The following BST1 variants were observed in gnomAD, a reference collection of about 807,000 sequenced individuals.
BST1 encodes the protein bone marrow stromal cell antigen 1.
BST1 carries 49 observed loss-of-function variants against 40.6 expected under a neutral mutation model. That is an observed-to-expected ratio of 1.21 (90% CI 0.96 to 1.53). The LOEUF is 1.53. Ranked by LOEUF, BST1 falls within the 40% of genes most tolerant of loss-of-function variation. The probability of loss-of-function intolerance (pLI) is 0.00; values close to 1 mark genes in which losing one functional copy is unlikely to be tolerated. For missense variants in BST1, 423 were observed against 395.9 expected (o/e 1.07, Z -0.58); for synonymous variants, 157 against 159.3 (o/e 0.99, Z 0.11).
At chr4:15,772,007 G>GTCTC in the BST1 span, among the ~76,000 whole-genome samples, 475 of 148,848 alleles carry the variant, frequency 3.2e-3, 2 homozygotes, top group African/African-American at 6.6e-3. Flanking sequence ...AACAATGAAG[G>GTCTC]TCTCTCTCTC....
At chr4:15,749,844 A>AC in the BST1 span, among the ~76,000 whole-genome samples, 1 of 151,978 alleles carries the variant, frequency 6.6e-6, no homozygotes, top group Middle Eastern at 3.4e-3. Flanking sequence ...ATCCAGTTAT[A>AC]CTTTGTAAAT....
chr4:15,768,621 G>A, the BST1 span, among the ~76,000 whole-genome samples: 2 of 151,562 alleles, frequency 1.3e-5, no homozygotes, highest in East Asian at 1.9e-4. Context: ...AGCCTCCCGA[G>A]TAGCTGGGAC....
chr4:15,736,902 TTG>T (rs1313791255), downstream of BST1, among the ~76,000 whole-genome samples: 3 of 152,156 alleles, frequency 2.0e-5, no homozygotes, highest in South Asian at 2.1e-4. Flanking sequence ...TAGTCAGCAT[TTG>T]ATCAGATTGG....
chr4:15,744,039 C>G, the BST1 span, among the ~76,000 whole-genome samples: 4 of 152,186 alleles, frequency 2.6e-5, no homozygotes. Flanking sequence ...ATCTTGTCCT[C>G]TTATCTTTTC....
At chr4:15,722,825 T>G (rs554753079) in intron 7 of BST1, 50 bp from the exon 8 acceptor site, 94 of 1,536,152 alleles carry the variant, frequency 6.1e-5, no homozygotes, top group Non-Finnish European at 8.2e-5. Context: ...AAATGGTTGA[T>G]GGATGAAAGT....
At position 15,710,499 on chromosome 4, in the gene BST1, G is replaced by A. The variant is rs548837345; in HGVS notation, c.452-1308G>A. 1.6e-4 allele frequency among the ~76,000 whole-genome samples: 24 copies of A among 151,970 alleles called. No individual in the cohort carries two copies. In the South Asian group the frequency reaches 4.8e-3, roughly 30 times the overall value. On this transcript the variant is annotated intron_variant, in intron 3 of 8. Coordinates refer to ENST00000265016, the MANE Select transcript of BST1 (RefSeq NM_004334.3). ...ATACAATACACTATTGTTAGCTATG[G>A]CCACTCTATTGTGCATTACAGCCCC... is the stretch of plus-strand genomic sequence containing the variant.
chr4:15,759,667 C>T, the BST1 span, among the ~76,000 whole-genome samples: 6 of 151,432 alleles, frequency 4.0e-5, no homozygotes, highest in Admixed American at 6.6e-5. Flanking sequence ...TATGACTATT[C>T]TGCCAATGGA....
rs1720654968 is a variant in BST1 at position 15,718,890 on chromosome 4, A to ATT, written c.705-16_705-15insTT. 4 of 1,607,016 alleles carry ATT rather than the reference A, an allele frequency of 2.5e-6. No homozygotes were observed. Among genetic ancestry groups the ATT allele is most frequent in the Non-Finnish European group, 3.4e-6 (4 of 1,175,996 alleles). Reference sequence around the variant, plus strand: ...TCTTATTTGCTTACTTTTTAATTATATATTTTCATGTTTTAGGGAATCCTG... The same window carrying ATT: ...TCTTATTTGCTTACTTTTTAATTATATTTATTTTCATGTTTTAGGGAATCCTG... On this transcript the variant is annotated splice_polypyrimidine_tract_variant and intron_variant, in intron 6 of 8. Coordinates refer to ENST00000265016, the MANE Select transcript of BST1 (RefSeq NM_004334.3).
chr4:15,735,709 G>A (rs1392028078), downstream of BST1, among the ~76,000 whole-genome samples: 1 of 152,138 alleles, frequency 6.6e-6, no homozygotes, highest in Non-Finnish European at 1.5e-5. Flanking sequence ...TCCCATGGGA[G>A]CCCCAGCCAA....
At chr4:15,745,585 C>T in the BST1 span, among the ~76,000 whole-genome samples, 1 of 152,170 alleles carries the variant, frequency 6.6e-6, no homozygotes, top group Non-Finnish European at 1.5e-5. Flanking sequence ...TTCTTGAGGT[C>T]ATTCAAAATC....
chr4:15,724,427 C>T (rs553604766), intron 8 of BST1, among the ~76,000 whole-genome samples: 1 of 152,352 alleles, frequency 6.6e-6, no homozygotes, highest in African/African-American at 2.4e-5. Flanking sequence ...TGGCTCATGC[C>T]TGTAATCCCA....
chr4:15,739,193 A>G (rs1721674265), downstream of BST1, among the ~76,000 whole-genome samples: 1 of 152,216 alleles, frequency 6.6e-6, no homozygotes, highest in South Asian at 2.1e-4. Context: ...AAACACCCAC[A>G]TGCATAACCA....
chr4:15,773,511 C>T, the BST1 span, among the ~76,000 whole-genome samples: 2 of 152,210 alleles, frequency 1.3e-5, no homozygotes, highest in African/African-American at 4.8e-5. Flanking sequence ...CTTTTGCCCC[C>T]ACTTCAGTTT....
At position 15,724,060 on chromosome 4, in the gene BST1, G is replaced by C. The variant is rs138003863; in HGVS notation, c.851+1126G>C. Among the ~76,000 whole-genome samples the C allele has an allele frequency of 3.4e-4, 52 of 152,234 alleles. No individual in the cohort carries two copies. The East Asian group carries it at 9.3e-3, about 27-fold the overall frequency. On this transcript the variant is annotated intron_variant, in intron 8 of 8. Coordinates refer to ENST00000265016, the MANE Select transcript of BST1 (RefSeq NM_004334.3). Reference sequence around the variant, plus strand: ...ATCCAACTCAAGTGTTCTTTGCTCTGTGAGGCTTTCCTCATTCTCCACGTT... The same window carrying C: ...ATCCAACTCAAGTGTTCTTTGCTCTCTGAGGCTTTCCTCATTCTCCACGTT...
chr4:15,707,864 T>TATATATATATACAC (rs1333009453), intron 3 of BST1, among the ~76,000 whole-genome samples: 3 of 145,110 alleles, frequency 2.1e-5, no homozygotes, highest in Non-Finnish European at 3.0e-5. Context: ...TCTATATATA[T>TATATATATATACAC]ATATATATAT....
chr4:15,713,048 AATCTCATACTAGTGCCCAC>A (rs1349601476), intron 4 of BST1, among the ~76,000 whole-genome samples: 1 of 152,190 alleles, frequency 6.6e-6, no homozygotes, highest in Non-Finnish European at 1.5e-5. Flanking sequence ...CTATAATGGA[AATCTCATACTAGTGCCCAC>A]ATTTTTTGAG....
At chr4:15,768,739 A>G in the BST1 span, among the ~76,000 whole-genome samples, 1 of 147,162 alleles carries the variant, frequency 6.8e-6, no homozygotes, top group African/African-American at 2.5e-5. Context: ...CTCATGATCC[A>G]CCCGCCTCAG....
At chr4:15,767,873 G>A in the BST1 span, among the ~76,000 whole-genome samples, 3 of 151,974 alleles carry the variant, frequency 2.0e-5, no homozygotes, top group East Asian at 3.9e-4. Flanking sequence ...TGCCCATCTC[G>A]GCCTCCTCAA....
intron 3 of BST1, among the ~76,000 whole-genome samples, chr4:15,708,224 C>G (rs1693503276): frequency 6.6e-6 from 1 of 152,264 alleles, no homozygotes; most frequent in African/African-American, 2.4e-5. Context: ...TGCTCTGTAA[C>G]ACCACTCCAG....
Sources: allele counts gnomAD v4.1 joint callset (sites outside exome capture counted in the v4.1 genomes callset), GRCh38; gene constraint gnomAD v4.1.1; transcripts MANE v1.5; gene names NCBI Gene and HGNC (gene_info 2026-07-23, HGNC 2026-07-21).